Variants in RABGAP1L observed in about 807,000 individuals in gnomAD.
The protein encoded by RABGAP1L is RAB GTPase activating protein 1 like.
Under a neutral mutation model 137.7 loss-of-function variants are expected in RABGAP1L, and 63 were observed. The observed-to-expected ratio is 0.46, with a 90% CI of 0.37 to 0.56. The LOEUF is 0.56. Ranked by LOEUF, RABGAP1L falls within the 20% of genes least tolerant of loss-of-function variation. The pLI is 0.00. For synonymous variants in RABGAP1L, 431 were observed against 433.7 expected (o/e 0.99, Z 0.08); for missense variants, 1,095 against 1,244.0 (o/e 0.88, Z 1.80).
intron 18 of RABGAP1L, among the ~76,000 whole-genome samples, chr1:174,778,791 T>C (rs1423808763): frequency 1.3e-5 from 2 of 152,118 alleles, no homozygotes; most frequent in Non-Finnish European, 2.9e-5. Context: ...AGATGGGGTT[T>C]CACTATGTTG....
At chr1:174,476,675 G>A (rs1388354695) in intron 13 of RABGAP1L, among the ~76,000 whole-genome samples, 1 of 152,138 alleles carries the variant, frequency 6.6e-6, no homozygotes, top group Admixed American at 6.6e-5. Flanking sequence ...GATTTGACAA[G>A]TTAATTAGTC....
chr1:174,833,853 A>G (rs1370219866), intron 19 of RABGAP1L, among the ~76,000 whole-genome samples: 1 of 152,160 alleles, frequency 6.6e-6, no homozygotes, highest in African/African-American at 2.4e-5. Context: ...AGAAAATAGT[A>G]GGAAGCTAAC....
In RABGAP1L at chr1:174,399,502, CAATTGCTTTATAAAA is replaced by C. The variant is rs1369520043; in HGVS notation, c.1710+5374_1710+5388del. On this transcript the variant is annotated intron_variant, in intron 13 of 25. Coordinates refer to ENST00000681986, the MANE Select transcript of RABGAP1L (RefSeq NM_001366446.1). The stretch of plus-strand genomic sequence containing the variant: ...AATGAAATGGTTCAGCTTGAACAAA[CAATTGCTTTATAAAA>C]AATTGCTTTATAAAAACCCTACCAG... 3.9e-5 allele frequency among the ~76,000 whole-genome samples: 6 copies of C among 152,234 alleles called. 1 individual carries two copies. Among genetic ancestry groups the C allele is most frequent in the South Asian group, 4.2e-4 (2 of 4,816 alleles).
At chr1:174,371,780 G>A (rs980336248) in intron 12 of RABGAP1L, among the ~76,000 whole-genome samples, 8 of 152,118 alleles carry the variant, frequency 5.3e-5, no homozygotes, top group African/African-American at 1.9e-4. Flanking sequence ...GTCCAGGGGA[G>A]ACTACAAAGT....
Position 174,447,665 on chromosome 1 carries a change from A to G in RABGAP1L, c.1710+53520A>G, listed in dbSNP as rs1013818752. ...ATTCTTTCCAGTTGCTCCCTAAGAA[A>G]CTGCCTCTCTTAGGAGAACAGCCCA... On this transcript the variant is annotated intron_variant, in intron 13 of 25. Transcript: ENST00000681986. 2.0e-5 allele frequency among the ~76,000 whole-genome samples: 3 copies of G among 152,070 alleles called. No individual in the cohort carries two copies. The East Asian group carries it at 5.8e-4, about 29-fold the overall frequency.
chr1:174,528,898 CTTT>C (rs1664152154), intron 13 of RABGAP1L, among the ~76,000 whole-genome samples: 2 of 149,948 alleles, frequency 1.3e-5, no homozygotes, highest in South Asian at 4.2e-4. Flanking sequence ...CTTTTTTATT[CTTT>C]TTTATTTTTG....
intron 13 of RABGAP1L, among the ~76,000 whole-genome samples, chr1:174,499,864 G>A (rs6682997): frequency 0.21 from 31,861 of 151,778 alleles, 3,686 homozygotes; most frequent in Admixed American, 0.25. Flanking sequence ...TCTGTTCCTG[G>A]GACTCTCTTT....
At chr1:174,292,607 CAG>C (rs894902099) in intron 10 of RABGAP1L, among the ~76,000 whole-genome samples, 1 of 151,886 alleles carries the variant, frequency 6.6e-6, no homozygotes, top group African/African-American at 2.4e-5. Flanking sequence ...ATTTTGGTCA[CAG>C]AGTATACTCT....
At chr1:174,495,800 G>A (rs1660681191) in intron 13 of RABGAP1L, among the ~76,000 whole-genome samples, 1 of 152,134 alleles carries the variant, frequency 6.6e-6, no homozygotes, top group South Asian at 2.1e-4. Context: ...TGATGCTGCG[G>A]TGAAAATCCC....
intron 18 of RABGAP1L, among the ~76,000 whole-genome samples, chr1:174,772,376 G>A (rs948760392): frequency 1.3e-5 from 2 of 151,626 alleles, no homozygotes; most frequent in Admixed American, 6.6e-5. Flanking sequence ...TCAGGAGTTC[G>A]AGATCACCCT....
At chr1:174,616,853 C>G (rs1457217156) in intron 13 of RABGAP1L, among the ~76,000 whole-genome samples, 1 of 152,114 alleles carries the variant, frequency 6.6e-6, no homozygotes, top group Non-Finnish European at 1.5e-5. Flanking sequence ...GTTAAAAATG[C>G]AGACTGCCTG....
chr1:174,792,678 C>T (rs1687950633), intron 18 of RABGAP1L, among the ~76,000 whole-genome samples: 1 of 152,222 alleles, frequency 6.6e-6, no homozygotes, highest in Non-Finnish European at 1.5e-5. Context: ...CTACAACTTT[C>T]TGTATGTCAG....
At chr1:174,245,644 A>ATT (rs112636312) in intron 5 of RABGAP1L, 9,439 of 146,786 alleles carry the variant, frequency 0.064, 971 homozygotes, top group African/African-American at 0.22. Context: ...TGAACTTTTT[A>ATT]TTTTTTTTTT....
chr1:174,464,434 C>T (rs1377403589), intron 13 of RABGAP1L, among the ~76,000 whole-genome samples: 2 of 152,154 alleles, frequency 1.3e-5, no homozygotes, highest in African/African-American at 4.8e-5. Context: ...TCTCCAGGAG[C>T]ATATACTATG....
chr1:174,801,045 T>C (rs1475570403), intron 18 of RABGAP1L, among the ~76,000 whole-genome samples: 1 of 152,230 alleles, frequency 6.6e-6, no homozygotes, highest in African/African-American at 2.4e-5. Context: ...GTGAAACAGC[T>C]TAAAGCTGCT....
In RABGAP1L at chr1:174,389,219, C is replaced by T. The variant is rs1470607516; in HGVS notation, c.1560-4776C>T. On this transcript the variant is annotated intron_variant, in intron 12 of 25. Coordinates refer to ENST00000681986, the MANE Select transcript of RABGAP1L (RefSeq NM_001366446.1). ...CCGTATCTAGTTCTTCTCATTATTG[C>T]GGGATGGAGAAATCTCCGACCTTTC... 3.3e-5 allele frequency among the ~76,000 whole-genome samples: 5 copies of T among 152,052 alleles called. No individual in the cohort carries two copies. In the South Asian group the frequency reaches 6.2e-4, roughly 19 times the overall value.
At chr1:174,930,690 T>A (rs1663646333) in intron 19 of RABGAP1L, among the ~76,000 whole-genome samples, 1 of 152,244 alleles carries the variant, frequency 6.6e-6, no homozygotes, top group African/African-American at 2.4e-5. Context: ...CACGTAGTCA[T>A]CACCCAGCTT....
At chr1:174,710,475 T>A (rs1280128833) in intron 17 of RABGAP1L, among the ~76,000 whole-genome samples, 1 of 152,208 alleles carries the variant, frequency 6.6e-6, no homozygotes, top group African/African-American at 2.4e-5. Context: ...TAACAGTGGA[T>A]CTCTCTGCAG....
chr1:174,343,960 C>T (rs1682210083), intron 11 of RABGAP1L, among the ~76,000 whole-genome samples: 1 of 152,166 alleles, frequency 6.6e-6, no homozygotes, highest in Non-Finnish European at 1.5e-5. Context: ...TCTCTGCCAG[C>T]ACTGTAGCTG....
Sources: gnomAD v4.1 joint callset for allele counts (sites outside exome capture counted in the v4.1 genomes callset) on GRCh38, gnomAD v4.1.1 for gene constraint, MANE v1.5 for transcripts, NCBI Gene and HGNC (gene_info 2026-07-23, HGNC 2026-07-21) for gene names.